ATP8B4: variants seen among roughly 807,000 people sequenced by gnomAD.
ATP8B4 encodes probable phospholipid-transporting ATPase IM.
In ATP8B4, 133 loss-of-function variants were observed where a neutral mutation model predicts 145.6. The ratio of observed to expected loss-of-function variants is 0.91; its 90% CI spans 0.79 to 1.05. The LOEUF (loss-of-function observed/expected upper bound fraction) is 1.05. ATP8B4 is among the 50% of genes least tolerant of loss of function. The pLI is 0.00. For synonymous variants in ATP8B4, 507 were observed against 492.9 expected, an observed-to-expected ratio of 1.03 and a Z score of -0.38; for missense variants, 1,458 against 1,425.2, an observed-to-expected ratio of 1.02 and a Z score of -0.37.
At chr15:50,165,090 C>G (rs937519744) in intron 1 of ATP8B4, among the ~76,000 whole-genome samples, 1 of 151,612 alleles carries the variant, frequency 6.6e-6, no homozygotes, top group African/African-American at 2.4e-5. Flanking sequence ...CGCTCTGTTA[C>G]CCATGCTGAA....
At chr15:50,162,166 C>T (rs1043189755) in intron 1 of ATP8B4, among the ~76,000 whole-genome samples, 1 of 151,938 alleles carries the variant, frequency 6.6e-6, no homozygotes, top group African/African-American at 2.4e-5. Context: ...TGTTACTTTT[C>T]TTGTATGCTT....
chr15:49,887,486 A>G (rs1444064821), intron 23 of ATP8B4, among the ~76,000 whole-genome samples: 1 of 152,040 alleles, frequency 6.6e-6, no homozygotes, highest in Admixed American at 6.6e-5. Context: ...ATATAAAAGG[A>G]GTCCCACAAA....
Position 49,979,698 on chromosome 15 carries a change from C to T in ATP8B4, c.953G>A (p.Ser318Asn), listed in dbSNP as rs760720943. ...TFLFWNEGEK[S>N]SVFSGFLTFW... Reference sequence around the variant, plus strand: ...TGTTAAGAATCCGGAGAACACAGAGCTCTTCTCTCCTTCATTCCAAAAGAG... The same window carrying T: ...TGTTAAGAATCCGGAGAACACAGAGTTCTTCTCTCCTTCATTCCAAAAGAG... The change falls in exon 12 of 28, where the codon AGC becomes AAC. Residue 318 changes from serine to asparagine, a missense_variant. Ser to Asn is a conservative substitution (Grantham distance 46). Coordinates refer to ENST00000284509, the MANE Select transcript of ATP8B4 (RefSeq NM_024837.4). 5.6e-6 allele frequency: 9 copies of T among 1,610,044 alleles called. No homozygotes were observed. Among genetic ancestry groups the T allele is most frequent in the Non-Finnish European group, 7.6e-6 (9 of 1,176,846 alleles).
In ATP8B4 at chr15:49,920,240, T is replaced by C; in HGVS notation, c.1923+6A>G. 6.2e-7 allele frequency: 1 copy of C among 1,613,686 alleles called. No homozygotes were observed. Among genetic ancestry groups the C allele is most frequent in the African/African-American group, 1.3e-5 (1 of 75,060 alleles). On this transcript the variant is annotated splice_donor_region_variant and intron_variant, in intron 18 of 27. Transcript: ENST00000284509. ...AACACAAACCATCATGCTTCTAAAC[T>C]CATACCATCAAATCTCTTTCAATTT...
intron 3 of ATP8B4, among the ~76,000 whole-genome samples, chr15:50,063,938 C>A (rs1027669459): frequency 3.3e-5 from 5 of 152,040 alleles, no homozygotes; most frequent in African/African-American, 1.2e-4. Flanking sequence ...ATCAATTTGG[C>A]TCAATTGATG....
chr15:50,147,441 A>T (rs1037344011), intron 1 of ATP8B4, among the ~76,000 whole-genome samples: 16 of 133,070 alleles, frequency 1.2e-4, no homozygotes, highest in Non-Finnish European at 1.7e-4. Context: ...AAAAAAAAAA[A>T]GTATATACTT....
intron 2 of ATP8B4, among the ~76,000 whole-genome samples, chr15:50,100,661 A>G (rs1035197464): frequency 6.6e-6 from 1 of 152,194 alleles, no homozygotes; most frequent in Non-Finnish European, 1.5e-5. Context: ...GATGATACAA[A>G]TGATGGTGAT....
chr15:50,083,217 C>G (rs1040171587), intron 2 of ATP8B4, among the ~76,000 whole-genome samples: 2 of 152,178 alleles, frequency 1.3e-5, no homozygotes, highest in Non-Finnish European at 2.9e-5. Flanking sequence ...TGTTTCCTCT[C>G]TCCTTGGAGA....
rs548097720 is a variant in ATP8B4 at position 50,100,845 on chromosome 15, C to G, written c.28+6094G>C. The stretch of plus-strand genomic sequence containing the variant: ...TAGCATTTGTCTGTAAAATGAAGTT[C>G]TGTGTGAGGAGGATTAACAAGTTCC... On this transcript the variant is annotated intron_variant, in intron 2 of 27. Transcript: ENST00000284509. Among the ~76,000 whole-genome samples the G allele has an allele frequency of 3.7e-4, 56 of 152,158 alleles. 2 individuals are homozygous for G. Among genetic ancestry groups the G allele is most frequent in the Non-Finnish European group, 6.9e-4 (47 of 68,028 alleles).
chr15:49,982,863 A>G (rs1168700701), intron 10 of ATP8B4, among the ~76,000 whole-genome samples: 6 of 152,266 alleles, frequency 3.9e-5, no homozygotes, highest in Admixed American at 6.5e-5. Flanking sequence ...GTTATCATCA[A>G]TATCCTCCAT....
At chr15:49,939,415 G>C (rs894422177) in intron 14 of ATP8B4, among the ~76,000 whole-genome samples, 1 of 151,974 alleles carries the variant, frequency 6.6e-6, no homozygotes, top group Non-Finnish European at 1.5e-5. Flanking sequence ...AAACACAAAT[G>C]TGACATTATA....
chr15:50,105,395 G>T (rs1217257874), intron 2 of ATP8B4, among the ~76,000 whole-genome samples: 1 of 152,046 alleles, frequency 6.6e-6, no homozygotes, highest in Admixed American at 6.6e-5. Context: ...GGGTTTCTGC[G>T]TGTTCATCAT....
At chr15:50,153,973 C>A (rs1473237266) in intron 1 of ATP8B4, among the ~76,000 whole-genome samples, 1 of 152,092 alleles carries the variant, frequency 6.6e-6, no homozygotes, top group Non-Finnish European at 1.5e-5. Context: ...AATAGAGGAC[C>A]AAATTTTTAG....
chr15:49,995,172 T>C (rs756189518), intron 9 of ATP8B4, among the ~76,000 whole-genome samples: 1 of 152,202 alleles, frequency 6.6e-6, no homozygotes, highest in African/African-American at 2.4e-5. Context: ...AATCATGTTC[T>C]GCTTTTTGAT....
intron 16 of ATP8B4, among the ~76,000 whole-genome samples, chr15:49,927,849 T>C (rs188327331): frequency 1.4e-3 from 215 of 152,288 alleles, no homozygotes; most frequent in African/African-American, 4.7e-3. Flanking sequence ...GCACTGGTGA[T>C]GACTTCCCTG....
At chr15:49,954,317 C>T (rs12437526) in intron 14 of ATP8B4, among the ~76,000 whole-genome samples, 19,441 of 152,036 alleles carry the variant, frequency 0.13, 1,656 homozygotes, top group East Asian at 0.34. Context: ...AATACAGCAA[C>T]AAAACAATTG....
chr15:49,869,481 A>G (rs908975730), intron 25 of ATP8B4, among the ~76,000 whole-genome samples: 1 of 152,144 alleles, frequency 6.6e-6, no homozygotes, highest in Non-Finnish European at 1.5e-5. Context: ...GAAAACTAAT[A>G]TAAAAATACA....
intron 1 of ATP8B4, among the ~76,000 whole-genome samples, chr15:50,165,977 ACACAC>A (rs1595663703): frequency 2.7e-5 from 4 of 149,788 alleles, no homozygotes; most frequent in East Asian, 3.9e-4. Context: ...GAGAACACAC[ACACAC>A]ACACACACAC....
At chr15:50,129,794 A>C (rs2057332581) in intron 1 of ATP8B4, among the ~76,000 whole-genome samples, 1 of 152,068 alleles carries the variant, frequency 6.6e-6, no homozygotes, top group East Asian at 1.9e-4. Flanking sequence ...CTAAAAATAC[A>C]AAAATTAGTT....
Sources: gnomAD v4.1 joint callset for allele counts (sites outside exome capture counted in the v4.1 genomes callset) on GRCh38, gnomAD v4.1.1 for gene constraint, MANE v1.5 for transcripts, NCBI Gene and HGNC (gene_info 2026-07-23, HGNC 2026-07-21) for gene names.